Variants in C16orf78 observed in about 807,000 individuals in gnomAD.
C16orf78 encodes chromosome 16 open reading frame 78, also known as uncharacterized protein C16orf78.
A neutral mutation model predicts 27.3 loss-of-function variants in C16orf78; 19 were observed. That is an observed-to-expected ratio of 0.70 (90% CI 0.49 to 1.02). The LOEUF is 1.02. Ranked by LOEUF, C16orf78 falls within the 50% of genes least tolerant of loss-of-function variation. The pLI is 0.00. For synonymous variants in C16orf78, 130 were observed against 116.1 expected (o/e 1.12, Z -0.77); for missense variants, 339 against 337.0 (o/e 1.01, Z -0.05).
At chr16:49,379,782 C>G (rs1171410851) in intron 3 of C16orf78, among the ~76,000 whole-genome samples, 2 of 152,180 alleles carry the variant, frequency 1.3e-5, no homozygotes, top group African/African-American at 4.8e-5. Context: ...TTCTTTGCAA[C>G]ATTTCTGTAA....
intron 3 of C16orf78, among the ~76,000 whole-genome samples, chr16:49,379,067 C>T (rs1285536839): frequency 6.6e-6 from 1 of 152,132 alleles, no homozygotes; most frequent in Non-Finnish European, 1.5e-5. Flanking sequence ...TGGGTCCTGA[C>T]CCTGGCTCTA....
chr16:49,376,962 T>C (rs559100825), intron 1 of C16orf78, among the ~76,000 whole-genome samples: 1 of 152,060 alleles, frequency 6.6e-6, no homozygotes, highest in Admixed American at 6.5e-5. Flanking sequence ...GTCTATTTAG[T>C]TTCTGCCATG....
chr16:49,386,351 T>C (rs754032268), intron 3 of C16orf78, among the ~76,000 whole-genome samples: 23 of 152,212 alleles, frequency 1.5e-4, no homozygotes, highest in Non-Finnish European at 2.9e-4. Flanking sequence ...ATAGACCAAA[T>C]GGACCTAACA....
At position 49,396,646 on chromosome 16, in the gene C16orf78, G is replaced by C; in HGVS notation, c.618G>C (p.Arg206Ser). 6.2e-7 allele frequency: 1 copy of C among 1,611,496 alleles called. No individual in the cohort carries two copies. Among genetic ancestry groups the C allele is most frequent in the Non-Finnish European group, 8.5e-7 (1 of 1,180,010 alleles). ...CCGAACCTAAGATGGAAACCATGAG[G>C]ATGTTGAAGCCAGAGGAGGTGCTGA... Reference protein sequence around the residue: ...KSTEPKMETMRMLKPEEVLSC... With the variant: ...KSTEPKMETMSMLKPEEVLSC... The change falls in exon 4 of 5, where the codon AGG (arginine) becomes AGC (serine). Residue 206 changes from arginine (R) to serine (S), a missense_variant. Physicochemically the swap from Arg to Ser is moderately radical, Grantham distance 110. Coordinates refer to ENST00000299191, the MANE Select transcript of C16orf78 (RefSeq NM_144602.4).
intron 3 of C16orf78, 33 bp from the exon 4 acceptor site, chr16:49,396,390 T>C (rs778888063): frequency 2.7e-5 from 44 of 1,610,878 alleles, no homozygotes; most frequent in Admixed American, 6.7e-5. Flanking sequence ...TCTCCCACGG[T>C]CTAACTCTTT....
rs759225468 is a variant in C16orf78 at position 49,378,609 on chromosome 16, TGGC to T, written c.394+17_394+19del. On this transcript the variant is annotated intron_variant, in intron 3 of 4. Transcript: ENST00000299191. ...AAGAAATCTGGTAAGGGAAAAACCT[TGGC>T]CCCGGCCACCAGAATCCTGCTCCAT... 1.9e-6 allele frequency: 3 copies of T among 1,613,538 alleles called. No homozygotes were observed. The African/African-American group carries it at 4.0e-5, about 22-fold the overall frequency.
At chr16:49,377,958 TC>T in intron 2 of C16orf78, 108 bp downstream of exon 2, 2 of 1,401,738 alleles carry the variant, frequency 1.4e-6, no homozygotes, top group Non-Finnish European at 1.9e-6. Context: ...ATTTCAAGGC[TC>T]CGAAATTCAC....
At chr16:49,388,928 G>A (rs984794956) in intron 3 of C16orf78, among the ~76,000 whole-genome samples, 7 of 151,998 alleles carry the variant, frequency 4.6e-5, no homozygotes, top group Non-Finnish European at 5.9e-5. Flanking sequence ...TTTTCTTACC[G>A]CAAAGGTATA....
chr16:49,396,537 G>A lies in C16orf78; in HGVS notation c.509G>A (p.Arg170Lys), dbSNP rs773899895. 1.2e-6 allele frequency: 2 copies of A among 1,614,162 alleles called. No homozygotes were observed. The highest frequency in any genetic ancestry group is 1.7e-6 in the Non-Finnish European group (2 of 1,180,036). The change falls in exon 4 of 5, where the codon AGG becomes AAG. Residue 170 changes from arginine to lysine, a missense_variant. By Grantham distance (26) the Arg-to-Lys change is conservative (BLOSUM62 2). Coordinates refer to ENST00000299191, the MANE Select transcript of C16orf78 (RefSeq NM_144602.4). The stretch of plus-strand genomic sequence containing the variant: ...CAGGAGGGTACCTTTAACAGCCAGA[G>A]GGCAACCTTCATAAGAGACTGGTCC... Reference protein sequence around the residue: ...MLQEGTFNSQRATFIRDWSNK... With the variant: ...MLQEGTFNSQKATFIRDWSNK...
chr16:49,388,859 T>C (rs1965379424), intron 3 of C16orf78, among the ~76,000 whole-genome samples: 1 of 152,176 alleles, frequency 6.6e-6, no homozygotes, highest in Non-Finnish European at 1.5e-5. Flanking sequence ...TCTAATTTTA[T>C]TGCACTGCAC....
At position 49,378,533 on chromosome 16, in the gene C16orf78, A is replaced by C; in HGVS notation, c.334A>C (p.Lys112Gln). 6.2e-7 allele frequency: 1 copy of C among 1,613,212 alleles called. No homozygotes were observed. Residue 112 changes from lysine to glutamine, a missense_variant, in exon 3 of 5, where the codon AAG becomes CAG. Coordinates refer to ENST00000299191, the MANE Select transcript of C16orf78 (RefSeq NM_144602.4). ...SYRSLYGVEQ[K>Q]GKHLSMVPGS... ...CCGAAGCCTCTATGGAGTGGAGCAAAAGGGGAAACACCTCAGCATGGTCCC... is the reference window on the plus strand; with the variant it reads ...CCGAAGCCTCTATGGAGTGGAGCAACAGGGGAAACACCTCAGCATGGTCCC...
intron 3 of C16orf78, among the ~76,000 whole-genome samples, chr16:49,395,351 C>T (rs528180819): frequency 2.0e-5 from 3 of 152,222 alleles, no homozygotes; most frequent in East Asian, 1.9e-4. Context: ...TTAAGGTGTC[C>T]AAGCTCTAGT....
intron 1 of C16orf78, 149 bp from the exon 2 acceptor site, chr16:49,377,582 G>A (rs74018757): frequency 1.9e-6 from 2 of 1,029,826 alleles, no homozygotes; most frequent in South Asian, 1.8e-5. Context: ...GGAAGCAGAG[G>A]AACAGTGACG....
chr16:49,396,779 A>G (rs1965480890), intron 4 of C16orf78, 101 bp downstream of exon 4: 12 of 1,435,522 alleles, frequency 8.4e-6, no homozygotes, highest in Non-Finnish European at 1.0e-5. Flanking sequence ...CTGAAGATCT[A>G]GGAGTAGGGG....
At chr16:49,395,303 A>G (rs1017253034) in intron 3 of C16orf78, among the ~76,000 whole-genome samples, 3 of 152,240 alleles carry the variant, frequency 2.0e-5, no homozygotes, top group African/African-American at 7.2e-5. Flanking sequence ...GTAAAAATAC[A>G]TAAAACACTT....
rs765504260 is a variant in C16orf78, at chr16:49,377,824, C to G, written c.244C>G (p.Arg82Gly). ...CCTCATGACAGCACGGGGAGGGAAC[C>G]GCAGGGACACGGAGACTTCCCAGCA... ...KGLMTARGGN[R>G]RDTETSQQAL... Residue 82 changes from arginine to glycine, a missense_variant, in exon 2 of 5, where the codon CGC (arginine) becomes GGC (glycine). By Grantham distance (125) the Arg-to-Gly change is moderately radical (BLOSUM62 -2). Transcript: ENST00000299191. 1.5e-5 allele frequency: 23 copies of G among 1,581,866 alleles called. No homozygotes were observed. The Admixed American group carries it at 2.9e-4, about 20-fold the overall frequency.
intron 3 of C16orf78, among the ~76,000 whole-genome samples, chr16:49,379,330 G>A (rs1047176084): frequency 1.3e-5 from 2 of 151,946 alleles, no homozygotes; most frequent in Non-Finnish European, 2.9e-5. Context: ...TGGAAAAACA[G>A]ATACATTTGT....
At chr16:49,393,045 A>G (rs1965431295) in intron 3 of C16orf78, among the ~76,000 whole-genome samples, 2 of 152,208 alleles carry the variant, frequency 1.3e-5, no homozygotes, top group African/African-American at 4.8e-5. Context: ...CTCTTCTGCC[A>G]TGATTGTGAG....
At chr16:49,378,293 C>A (rs2151610737) in intron 2 of C16orf78, among the ~76,000 whole-genome samples, 177 bp from the exon 3 acceptor site, 1 of 152,338 alleles carries the variant, frequency 6.6e-6, no homozygotes, top group South Asian at 2.1e-4. Flanking sequence ...GGTGAGCAAG[C>A]ACCCGTGGGC....
Sources: allele counts gnomAD v4.1 joint callset (sites outside exome capture counted in the v4.1 genomes callset), GRCh38; gene constraint gnomAD v4.1.1; transcripts MANE v1.5; gene names NCBI Gene and HGNC (gene_info 2026-07-23, HGNC 2026-07-21).